The following SORCS3 variants were observed in gnomAD, a reference collection of about 807,000 sequenced individuals.
SORCS3 encodes the protein sortilin related VPS10 domain containing receptor 3, also known as VPS10 domain-containing receptor SorCS3.
Under a neutral mutation model 146.3 loss-of-function variants are expected in SORCS3, and 57 were observed. That is an observed-to-expected ratio of 0.39 (90% confidence interval 0.31 to 0.49). The LOEUF is 0.49. Among genes scored for constraint, SORCS3 ranks in the 20% least tolerant of loss-of-function variants. The pLI is 0.92. For synonymous variants in SORCS3, 653 were observed against 618.5 expected, an observed-to-expected ratio of 1.06 and a Z score of -0.83; for missense variants, 1,341 against 1,575.5, an observed-to-expected ratio of 0.85 and a Z score of 2.52.
intron 1 of SORCS3, among the ~76,000 whole-genome samples, chr10:104,643,537 G>A (rs961676063): frequency 6.6e-6 from 1 of 152,188 alleles, no homozygotes. Context: ...GACAGCTCTG[G>A]CGAGAGGGGT....
chr10:105,097,345 G>A (rs2055753777), intron 6 of SORCS3, among the ~76,000 whole-genome samples: 1 of 152,190 alleles, frequency 6.6e-6, no homozygotes, highest in South Asian at 2.1e-4. Flanking sequence ...TCCTATTTCT[G>A]TCATGAGATT....
rs578018580 is a variant in SORCS3 at position 104,832,453 on chromosome 10, C to T, written c.628-10339C>T. ...ACAGGTGTGACCGGGCACAGTGGCA[C>T]ACACCTGTAATCCCAGCACTTTGGG... is the stretch of plus-strand genomic sequence containing the variant. On this transcript the variant is annotated intron_variant, in intron 1 of 26. Coordinates refer to ENST00000369701, the MANE Select transcript of SORCS3 (RefSeq NM_014978.3). 1.1e-4 allele frequency among the ~76,000 whole-genome samples: 17 copies of T among 152,304 alleles called. No homozygotes were observed. The South Asian group carries it at 2.7e-3, about 24-fold the overall frequency.
intron 22 of SORCS3, among the ~76,000 whole-genome samples, chr10:105,251,697 G>C (rs1326993679): frequency 6.6e-6 from 1 of 152,138 alleles, no homozygotes. Context: ...ACACAGGAAA[G>C]AACAAGCTTA....
At position 105,146,061 on chromosome 10, in the gene SORCS3, C is replaced by G. The variant is rs150298998; in HGVS notation, c.1303-1556C>G. ...TTAAGTTACAGTCAACTCCACTCCC[C>G]CATCATCCTTTTACCAGTGCTTTCC... On this transcript the variant is annotated intron_variant, in intron 8 of 26. Transcript: ENST00000369701. Among the ~76,000 whole-genome samples, 176 of 152,200 alleles carry G rather than the reference C, an allele frequency of 1.2e-3. 1 individual carries two copies. The highest frequency in any genetic ancestry group is 9.0e-3 in the Admixed American group (138 of 15,270).
chr10:104,765,677 A>C (rs1215889241), intron 1 of SORCS3, among the ~76,000 whole-genome samples: 1 of 152,192 alleles, frequency 6.6e-6, no homozygotes, highest in Non-Finnish European at 1.5e-5. Flanking sequence ...GGATGGGGAG[A>C]AATAACAATT....
At chr10:104,972,834 T>C (rs1200653112) in intron 3 of SORCS3, among the ~76,000 whole-genome samples, 1 of 152,092 alleles carries the variant, frequency 6.6e-6, no homozygotes, top group Admixed American at 6.5e-5. Context: ...TGTGGGTTTG[T>C]CATAGATAGC....
chr10:104,778,577 C>G (rs1244547654), intron 1 of SORCS3, among the ~76,000 whole-genome samples: 1 of 152,216 alleles, frequency 6.6e-6, no homozygotes, highest in Non-Finnish European at 1.5e-5. Context: ...AAAGCACCAG[C>G]TCAGTTCCTG....
intron 1 of SORCS3, among the ~76,000 whole-genome samples, chr10:104,839,029 A>G (rs1199010535): frequency 6.6e-6 from 1 of 152,158 alleles, no homozygotes; most frequent in Non-Finnish European, 1.5e-5. Context: ...ATAAAATGAG[A>G]GCAATAGACT....
intron 7 of SORCS3, among the ~76,000 whole-genome samples, chr10:105,127,270 C>G (rs532934576): frequency 1.3e-5 from 2 of 151,954 alleles, no homozygotes; most frequent in Admixed American, 1.3e-4. Flanking sequence ...TTGTCAACCA[C>G]GCAAAGGAGT....
At chr10:105,235,729 G>T (rs1220626662) in intron 20 of SORCS3, among the ~76,000 whole-genome samples, 1 of 151,942 alleles carries the variant, frequency 6.6e-6, no homozygotes, top group African/African-American at 2.4e-5. Flanking sequence ...GCACGATATA[G>T]TGGACAGAAC....
chr10:104,723,377 C>T (rs940436479), intron 1 of SORCS3, among the ~76,000 whole-genome samples: 2 of 152,144 alleles, frequency 1.3e-5, no homozygotes, highest in South Asian at 2.1e-4. Flanking sequence ...TTTACATTTG[C>T]TGAGGAGTGT....
intron 2 of SORCS3, among the ~76,000 whole-genome samples, chr10:104,856,271 G>T (rs2018330098): frequency 6.7e-6 from 1 of 148,490 alleles, no homozygotes; most frequent in African/African-American, 2.5e-5. Flanking sequence ...TAATTGGTTG[G>T]TCTCTCTCTC....
chr10:104,997,828 T>C (rs183226355), intron 4 of SORCS3, among the ~76,000 whole-genome samples: 1 of 152,274 alleles, frequency 6.6e-6, no homozygotes, highest in East Asian at 1.9e-4. Flanking sequence ...TTGTACACAA[T>C]GCTTGTGTGG....
At chr10:105,243,546 T>C (rs1362307403) in intron 20 of SORCS3, among the ~76,000 whole-genome samples, 1 of 152,178 alleles carries the variant, frequency 6.6e-6, no homozygotes, top group Non-Finnish European at 1.5e-5. Context: ...AGAACCTGCT[T>C]ACACCTCATT....
chr10:104,852,069 A>G (rs2018279399), intron 2 of SORCS3, among the ~76,000 whole-genome samples: 1 of 152,230 alleles, frequency 6.6e-6, no homozygotes, highest in Admixed American at 6.5e-5. Context: ...CTTCCAATAC[A>G]TAAGGTTTAT....
intron 1 of SORCS3, among the ~76,000 whole-genome samples, chr10:104,679,256 C>A (rs1400605858): frequency 6.6e-6 from 1 of 152,132 alleles, no homozygotes; most frequent in Non-Finnish European, 1.5e-5. Flanking sequence ...AAGATGAGAA[C>A]TGGGGTCTCT....
chr10:105,225,447 GTT>G (rs201663453), intron 20 of SORCS3, among the ~76,000 whole-genome samples: 1 of 151,158 alleles, frequency 6.6e-6, no homozygotes, highest in African/African-American at 2.4e-5. Context: ...CTGTTTTCCT[GTT>G]TTTTTTCACC....
At chr10:105,064,295 G>T (rs554703994) in intron 5 of SORCS3, among the ~76,000 whole-genome samples, 2 of 152,150 alleles carry the variant, frequency 1.3e-5, no homozygotes, top group African/African-American at 2.4e-5. Context: ...CTGGAACTCC[G>T]AAAGGCCTTC....
At chr10:104,909,253 AG>A (rs1170956322) in intron 2 of SORCS3, among the ~76,000 whole-genome samples, 1 of 152,162 alleles carries the variant, frequency 6.6e-6, no homozygotes, top group Non-Finnish European at 1.5e-5. Context: ...AGGAAAAAAA[AG>A]TTTGCCAACC....
Sources: allele counts gnomAD v4.1 joint callset (sites outside exome capture counted in the v4.1 genomes callset), GRCh38; gene constraint gnomAD v4.1.1; transcripts MANE v1.5; gene names NCBI Gene and HGNC (gene_info 2026-07-23, HGNC 2026-07-21).